RHOA: variants seen among roughly 807,000 people sequenced by gnomAD.
The protein encoded by RHOA is ras homolog family member A.
Under a neutral mutation model 17.5 loss-of-function variants are expected in RHOA, and 3 were observed. The ratio of observed to expected loss-of-function variants is 0.17; its 90% CI spans 0.08 to 0.44. The LOEUF (loss-of-function observed/expected upper bound fraction) is 0.44. Among genes scored for constraint, RHOA ranks in the 20% least tolerant of loss-of-function variants. The probability of loss-of-function intolerance (pLI) is 0.99; values close to 1 mark genes in which losing one functional copy is unlikely to be tolerated. For missense variants in RHOA, 56 were observed against 242.3 expected, an observed-to-expected ratio of 0.23 and a Z score of 5.10; for synonymous variants, 98 against 88.4, an observed-to-expected ratio of 1.11 and a Z score of -0.61.
intron 1 of RHOA, among the ~76,000 whole-genome samples, chr3:49,387,746 A>C (rs1025641889): frequency 4.4e-5 from 6 of 136,316 alleles, no homozygotes; most frequent in Non-Finnish European, 9.8e-5. Flanking sequence ...GTCTCAAAAA[A>C]AAAAAACAAA....
intron 3 of RHOA, among the ~76,000 whole-genome samples, chr3:49,367,292 G>C (rs2048071013): frequency 7.3e-6 from 1 of 136,804 alleles, no homozygotes; most frequent in South Asian, 2.5e-4. Flanking sequence ...GCAGTGAGCT[G>C]AGATCAAGCT....
intron 1 of RHOA, among the ~76,000 whole-genome samples, chr3:49,388,325 G>C (rs755613186): frequency 4.6e-5 from 7 of 152,154 alleles, no homozygotes; most frequent in Non-Finnish European, 1.0e-4. Context: ...ATAATAGGTG[G>C]AGCCATGACA....
At chr3:49,407,238 T>TG (rs1004017194) in intron 1 of RHOA, among the ~76,000 whole-genome samples, 5 of 135,508 alleles carry the variant, frequency 3.7e-5, no homozygotes, top group Admixed American at 7.5e-5. Flanking sequence ...TTCCGTTTTT[T>TG]TTTTTTTTTT....
At chr3:49,411,456 G>A (rs1431669683) in intron 1 of RHOA, among the ~76,000 whole-genome samples, 1 of 152,216 alleles carries the variant, frequency 6.6e-6, no homozygotes, top group East Asian at 1.9e-4. Flanking sequence ...TTCAGCGGCC[G>A]GCTACACTGC....
intron 1 of RHOA, among the ~76,000 whole-genome samples, chr3:49,409,219 A>AC (rs1474218797): frequency 3.3e-5 from 5 of 150,238 alleles, no homozygotes; most frequent in Admixed American, 2.7e-4. Context: ...ACACGGTGAA[A>AC]CCCCATCTCT....
intron 1 of RHOA, among the ~76,000 whole-genome samples, chr3:49,405,119 G>A (rs2048805552): frequency 1.3e-5 from 2 of 150,698 alleles, no homozygotes; most frequent in Admixed American, 6.6e-5. Context: ...CTAGCCGGGC[G>A]TGGTGGCGGG....
chr3:49,363,189 T>C (rs935314519), intron 3 of RHOA, among the ~76,000 whole-genome samples: 1 of 151,862 alleles, frequency 6.6e-6, no homozygotes, highest in Non-Finnish European at 1.5e-5. Context: ...GAGGCCAAGG[T>C]GGGCGGATCA....
chr3:49,395,230 G>A (rs1380155749), intron 1 of RHOA, among the ~76,000 whole-genome samples: 4 of 149,550 alleles, frequency 2.7e-5, no homozygotes, highest in East Asian at 2.0e-4. Context: ...CAGCCTGGAC[G>A]ACAGTGCAAG....
intron 1 of RHOA, among the ~76,000 whole-genome samples, chr3:49,386,824 G>A (rs888137397): frequency 3.3e-5 from 5 of 151,994 alleles, no homozygotes; most frequent in African/African-American, 1.2e-4. Flanking sequence ...TTTTAAAACT[G>A]TTACATGACC....
At chr3:49,395,753 A>G (rs1320385756) in intron 1 of RHOA, among the ~76,000 whole-genome samples, 1 of 144,250 alleles carries the variant, frequency 6.9e-6, no homozygotes, top group Non-Finnish European at 1.6e-5. Context: ...TTGGCAGGGC[A>G]CGAAAAGTGA....
chr3:49,408,933 C>T (rs1157468492), intron 1 of RHOA, among the ~76,000 whole-genome samples: 7 of 151,976 alleles, frequency 4.6e-5, no homozygotes, highest in Non-Finnish European at 1.0e-4. Flanking sequence ...GCTGGGACTA[C>T]AGGCGCCCGC....
At chr3:49,409,215 T>G (rs2048892083) in intron 1 of RHOA, among the ~76,000 whole-genome samples, 1 of 150,946 alleles carries the variant, frequency 6.6e-6, no homozygotes, top group Admixed American at 6.6e-5. Flanking sequence ...GCCAACACGG[T>G]GAAACCCCAT....
At chr3:49,403,590 G>A (rs542600983) in intron 1 of RHOA, among the ~76,000 whole-genome samples, 118 of 152,022 alleles carry the variant, frequency 7.8e-4, no homozygotes, top group African/African-American at 2.7e-3. Flanking sequence ...AGCCAGGCGT[G>A]GTGGTGCACA....
intron 1 of RHOA, among the ~76,000 whole-genome samples, chr3:49,393,729 T>TGTGTGTGAGA (rs1553635013): frequency 5.8e-5 from 8 of 136,840 alleles, no homozygotes; most frequent in Admixed American, 7.5e-5. Context: ...TGTGTGTGTG[T>TGTGTGTGAGA]GACAGAATCT....
chr3:49,403,586 G>C (rs2048763371), intron 1 of RHOA, among the ~76,000 whole-genome samples: 1 of 151,894 alleles, frequency 6.6e-6, no homozygotes, highest in African/African-American at 2.4e-5. Context: ...ATGTAGCCAG[G>C]CGTGGTGGTG....
Position 49,362,532 on chromosome 3 carries a change from A to G in RHOA, c.372T>C (p.Asp124=), listed in dbSNP as rs1222428305. The change falls in exon 4 of 5, where the codon GAT becomes GAC. Residue 124 remains aspartate, a synonymous_variant. Transcript: ENST00000418115. ...TGGCTAGCTCCCGCCTTGTGTGCTC[A>G]TCATTCCGAAGATCCTTCTTATTCC... ...LVGNKKDLRN[D]EHTRRELAKM... The G allele has an allele frequency of 3.1e-6, 5 of 1,613,682 alleles. No individual in the cohort carries two copies. The South Asian group carries it at 5.5e-5, about 18-fold the overall frequency.
chr3:49,403,657 C>T (rs1000923034), intron 1 of RHOA, among the ~76,000 whole-genome samples: 1 of 151,822 alleles, frequency 6.6e-6, no homozygotes. Flanking sequence ...CCTAGGAGGT[C>T]GAGGATGTAG....
chr3:49,405,008 G>T (rs1483552892), intron 1 of RHOA, among the ~76,000 whole-genome samples: 1 of 151,478 alleles, frequency 6.6e-6, no homozygotes, highest in Non-Finnish European at 1.5e-5. Flanking sequence ...AACACTTTGG[G>T]AGGCGGAGGC....
intron 2 of RHOA, among the ~76,000 whole-genome samples, chr3:49,369,865 C>T (rs2048123853): frequency 1.3e-5 from 2 of 152,018 alleles, no homozygotes; most frequent in South Asian, 4.1e-4. Context: ...GTCGGAAGTT[C>T]GAGACTAGCC....
Sources: allele counts gnomAD v4.1 joint callset (sites outside exome capture counted in the v4.1 genomes callset), GRCh38; gene constraint gnomAD v4.1.1; transcripts MANE v1.5; gene names NCBI Gene and HGNC (gene_info 2026-07-23, HGNC 2026-07-21).